MCCC2: variants seen among roughly 807,000 people sequenced by gnomAD.
MCCC2 encodes methylcrotonyl-CoA carboxylase subunit 2, also known as methylcrotonoyl-CoA carboxylase beta chain, mitochondrial.
A neutral mutation model predicts 77.2 loss-of-function variants in MCCC2; 52 were observed. The observed-to-expected ratio is 0.67, with a 90% CI of 0.54 to 0.85. The LOEUF (loss-of-function observed/expected upper bound fraction) is 0.85, where lower values mean the gene tolerates loss of function less well. Ranked by LOEUF, MCCC2 falls within the 40% of genes least tolerant of loss-of-function variation. MCCC2 has a pLI of 0.00. For synonymous variants in MCCC2, 253 were observed against 248.4 expected (o/e 1.02, Z -0.18); for missense variants, 682 against 703.2 (o/e 0.97, Z 0.34).
intron 15 of MCCC2, 72 bp downstream of exon 15, chr5:71,650,255 C>T (rs1747400262): frequency 9.0e-6 from 12 of 1,331,488 alleles, no homozygotes; most frequent in Admixed American, 6.9e-5. Context: ...CAAGGAGCAG[C>T]GTGCCTGGAA....
intron 6 of MCCC2, among the ~76,000 whole-genome samples, chr5:71,626,088 C>G (rs572969208): frequency 6.6e-6 from 1 of 152,078 alleles, no homozygotes; most frequent in Admixed American, 6.5e-5. Flanking sequence ...TACTGTGAAC[C>G]CTATGTACAC....
chr5:71,648,813 C>T (rs1747344392), intron 13 of MCCC2, among the ~76,000 whole-genome samples: 1 of 152,174 alleles, frequency 6.6e-6, no homozygotes, highest in Non-Finnish European at 1.5e-5. Context: ...CTGCACCCAG[C>T]CAAGATCATC....
intron 6 of MCCC2, among the ~76,000 whole-genome samples, chr5:71,623,532 AAG>A (rs1746430332): frequency 6.6e-6 from 1 of 152,190 alleles, no homozygotes; most frequent in Non-Finnish European, 1.5e-5. Context: ...CAAGAAAAGA[AAG>A]AGGGCCAGCA....
chr5:71,612,042 G>T (rs1285463659), intron 6 of MCCC2, among the ~76,000 whole-genome samples: 2 of 151,962 alleles, frequency 1.3e-5, no homozygotes, highest in Non-Finnish European at 2.9e-5. Context: ...CCGACCTCGT[G>T]ATCCGCCCGC....
chr5:71,603,437 A>AG (rs1304151889), intron 5 of MCCC2, among the ~76,000 whole-genome samples: 1 of 151,520 alleles, frequency 6.6e-6, no homozygotes, highest in African/African-American at 2.4e-5. Flanking sequence ...AAAAAAAAAA[A>AG]AATGGGCCTT....
intron 7 of MCCC2, among the ~76,000 whole-genome samples, chr5:71,627,199 T>A (rs1561838566): frequency 6.6e-6 from 1 of 152,248 alleles, no homozygotes; most frequent in Non-Finnish European, 1.5e-5. Flanking sequence ...TAAATAATGT[T>A]CCATTGTATG....
intron 15 of MCCC2, among the ~76,000 whole-genome samples, chr5:71,650,948 C>A (rs1580333120): frequency 6.6e-6 from 1 of 152,154 alleles, no homozygotes; most frequent in Non-Finnish European, 1.5e-5. Flanking sequence ...CGCGCCCGGC[C>A]TAATTTTTGT....
chr5:71,615,221 G>A (rs143496026), intron 6 of MCCC2, among the ~76,000 whole-genome samples: 22 of 152,222 alleles, frequency 1.4e-4, no homozygotes, highest in African/African-American at 5.3e-4. Context: ...CACCCACCTC[G>A]ACCTCCCAGA....
rs1745184252 is a variant in MCCC2 at position 71,596,277 on chromosome 5, T to C, written c.197-3T>C. 1.2e-6 allele frequency: 2 copies of C among 1,612,700 alleles called. No homozygotes were observed. The highest frequency in any genetic ancestry group is 1.7e-5 in the Admixed American group (1 of 59,988). ...ATCTAATCTAATCACATTTCTATCATAGGAGGTGGTGAGAAAGCCCGAGCA... is the reference window on the plus strand; with the variant it reads ...ATCTAATCTAATCACATTTCTATCACAGGAGGTGGTGAGAAAGCCCGAGCA... On this transcript the variant is annotated splice_region_variant and splice_polypyrimidine_tract_variant and intron_variant, in intron 2 of 16. Transcript: ENST00000340941.
chr5:71,595,536 A>T (rs1341844928), intron 2 of MCCC2, among the ~76,000 whole-genome samples: 1 of 152,216 alleles, frequency 6.6e-6, no homozygotes, highest in African/African-American at 2.4e-5. Context: ...TTCATTAGAC[A>T]AAGACTATAT....
Position 71,657,409 on chromosome 5 carries a change from G to A in MCCC2, c.*549G>A, listed in dbSNP as rs1432396674. The A allele has an allele frequency of 1.3e-5, 2 of 153,162 alleles. No homozygotes were observed. The highest frequency in any genetic ancestry group is 4.9e-5 in the African/African-American group (2 of 41,142). 9.5% of individuals were successfully genotyped at this position (153,162 alleles called of 1,614,324 possible). ...AGCGCTCCCCATTTCCCCCTCCCCC[G>A]AGCCCATGACATCTCCTTATTATTA... On this transcript the variant is annotated 3_prime_UTR_variant, in exon 17 of 17. Transcript: ENST00000340941.
intron 1 of MCCC2, 113 bp from the exon 2 acceptor site, chr5:71,592,813 C>A: frequency 1.2e-6 from 1 of 848,062 alleles, no homozygotes; most frequent in Non-Finnish European, 2.0e-6. Flanking sequence ...AGTGTGGCGG[C>A]CACACAGAGT....
Position 71,624,680 on chromosome 5 carries a change from GCTTT to G in MCCC2, c.625-1947_625-1944del, listed in dbSNP as rs1372241703. On this transcript the variant is annotated intron_variant, in intron 6 of 16. Transcript: ENST00000340941. ...GCGTGAGCTACCACACCCAGCCCCT[GCTTT>G]CTTTCTTTCTTTTTTTTTTTTTTTT... 3.6e-4 allele frequency among the ~76,000 whole-genome samples: 44 copies of G among 121,352 alleles called. 3 individuals carry two copies. Among genetic ancestry groups the G allele is most frequent in the African/African-American group, 1.2e-3 (37 of 31,944 alleles). The allele number at this position is 121,352 out of a possible 152,430, so 79.6% of individuals were successfully genotyped here. A position where few individuals can be genotyped will look rare whatever the true frequency, so the allele number is the denominator to read the frequency against.
At chr5:71,592,826 G>A in intron 1 of MCCC2, 100 bp from the exon 2 acceptor site, 2 of 968,652 alleles carry the variant, frequency 2.1e-6, no homozygotes, top group Non-Finnish European at 3.3e-6. Context: ...CACAGAGTTG[G>A]CACAGACCAC....
intron 3 of MCCC2, among the ~76,000 whole-genome samples, chr5:71,596,810 T>C (rs1204091005): frequency 6.6e-6 from 1 of 152,012 alleles, no homozygotes; most frequent in South Asian, 2.1e-4. Context: ...CATGGTGGCA[T>C]GTGCTTGTAG....
At chr5:71,602,787 T>G in intron 5 of MCCC2, 154 bp downstream of exon 5, 1 of 1,140,654 alleles carries the variant, frequency 8.8e-7, no homozygotes, top group Admixed American at 2.2e-5. Flanking sequence ...TGCTGAAAAC[T>G]CTGGGGGAAA....
At chr5:71,641,185 A>G in intron 11 of MCCC2, 110 bp downstream of exon 11, 3 of 959,920 alleles carry the variant, frequency 3.1e-6, no homozygotes, top group Non-Finnish European at 3.3e-6. Flanking sequence ...TGTTGAGAGC[A>G]CTACAAATGT....
At chr5:71,641,400 A>G (rs1561845194) in intron 11 of MCCC2, 2 of 332,520 alleles carry the variant, frequency 6.0e-6, no homozygotes, top group South Asian at 2.8e-5. Context: ...CTGGATAACA[A>G]TAATTATTTT....
intron 6 of MCCC2, among the ~76,000 whole-genome samples, chr5:71,606,515 C>A (rs1745683295): frequency 1.4e-5 from 2 of 139,152 alleles, no homozygotes; most frequent in South Asian, 4.8e-4. Context: ...ATCATGTCGT[C>A]TGCAAACAGG....
Sources: allele counts gnomAD v4.1 joint callset (sites outside exome capture counted in the v4.1 genomes callset), GRCh38; gene constraint gnomAD v4.1.1; transcripts MANE v1.5; gene names NCBI Gene and HGNC (gene_info 2026-07-23, HGNC 2026-07-21).